The following ADAMTSL1 variants were observed in gnomAD, a reference collection of about 807,000 sequenced individuals.
ADAMTSL1 encodes the protein ADAMTS-like protein 1.
In ADAMTSL1, 126 loss-of-function variants were observed where a neutral mutation model predicts 201.8. The ratio of observed to expected loss-of-function variants is 0.62; its 90% CI spans 0.54 to 0.72. ADAMTSL1 has a LOEUF of 0.72. Among genes scored for constraint, ADAMTSL1 ranks in the 30% least tolerant of loss-of-function variants. The pLI is 0.00. For synonymous variants in ADAMTSL1, 1,121 were observed against 903.4 expected, an observed-to-expected ratio of 1.24 and a Z score of -4.32; for missense variants, 2,679 against 2,277.8, an observed-to-expected ratio of 1.18 and a Z score of -3.59.
At chr9:18,425,362 C>T (rs980035774) in intron 2 of ADAMTSL1, among the ~76,000 whole-genome samples, 1 of 151,890 alleles carries the variant, frequency 6.6e-6, no homozygotes, top group African/African-American at 2.4e-5. Flanking sequence ...ATCTTACCAC[C>T]ATTTCTTAGC....
chr9:18,477,402 C>T (rs1157200934), intron 1 of ADAMTSL1, among the ~76,000 whole-genome samples: 1 of 152,198 alleles, frequency 6.6e-6, no homozygotes, highest in Non-Finnish European at 1.5e-5. Context: ...CTAATTTATA[C>T]ATGGCAACTA....
At chr9:18,290,779 G>GT (rs1377416517) in intron 2 of ADAMTSL1, among the ~76,000 whole-genome samples, 2 of 60,416 alleles carry the variant, frequency 3.3e-5, no homozygotes, top group South Asian at 7.3e-4. Flanking sequence ...CTTTTTTTGT[G>GT]TGTTTTTTTT....
intron 2 of ADAMTSL1, among the ~76,000 whole-genome samples, chr9:18,209,019 A>G (rs1337658717): frequency 6.6e-6 from 1 of 152,162 alleles, no homozygotes; most frequent in East Asian, 1.9e-4. Context: ...GTGGATTGTG[A>G]CATGCTATAT....
intron 20 of ADAMTSL1, among the ~76,000 whole-genome samples, chr9:18,799,887 G>A (rs1822674515): frequency 6.6e-6 from 1 of 152,140 alleles, no homozygotes; most frequent in East Asian, 1.9e-4. Flanking sequence ...TCATGATTTA[G>A]TAGCTACAAT....
intron 1 of ADAMTSL1, among the ~76,000 whole-genome samples, chr9:17,997,833 CTCTT>C (rs1563940793): frequency 6.6e-6 from 1 of 152,076 alleles, no homozygotes; most frequent in East Asian, 1.9e-4. Flanking sequence ...AAAAAATCAC[CTCTT>C]TCTTACTGAT....
chr9:18,456,273 A>T (rs563439107), intron 2 of ADAMTSL1, among the ~76,000 whole-genome samples: 27 of 152,280 alleles, frequency 1.8e-4, no homozygotes, highest in Admixed American at 1.8e-3. Context: ...AAGTGTGCAT[A>T]AGTGGCCTTG....
At position 18,506,315 on chromosome 9, in the gene ADAMTSL1, A is replaced by G. The variant is rs1386565663; in HGVS notation, c.191+1359A>G. Among the ~76,000 whole-genome samples, 4 of 152,358 alleles carry G rather than the reference A, an allele frequency of 2.6e-5. No homozygotes were observed. The East Asian group carries it at 7.7e-4, about 29-fold the overall frequency. ...TGATAATGTAACTGATAATATTCAT[A>G]CATCAGTAAAGCCAAAAAGTATAAA... On this transcript the variant is annotated intron_variant, in intron 2 of 28. Coordinates refer to ENST00000380548, the MANE Select transcript of ADAMTSL1 (RefSeq NM_001040272.6).
intron 2 of ADAMTSL1, among the ~76,000 whole-genome samples, chr9:18,356,991 A>G (rs1417038): frequency 0.98 from 148,981 of 152,214 alleles, 72,982 homozygotes; most frequent in East Asian, 1. Flanking sequence ...TGTACATGGA[A>G]TCCTTTGAAT....
chr9:18,573,948 A>G (rs566073161), intron 3 of ADAMTSL1, 82 bp from the exon 4 acceptor site: 1 of 1,109,172 alleles, frequency 9.0e-7, no homozygotes, highest in African/African-American at 1.5e-5. Context: ...CTAAGACCTA[A>G]GCAGACCATA....
At chr9:17,945,612 T>G (rs1299452315) in intron 1 of ADAMTSL1, among the ~76,000 whole-genome samples, 16 of 152,134 alleles carry the variant, frequency 1.1e-4, no homozygotes, top group African/African-American at 2.4e-4. Flanking sequence ...GTGGCACATA[T>G]ACACCATGGA....
At chr9:17,994,292 T>G (rs566521223) in intron 1 of ADAMTSL1, among the ~76,000 whole-genome samples, 3 of 152,276 alleles carry the variant, frequency 2.0e-5, no homozygotes, top group African/African-American at 7.2e-5. Flanking sequence ...GAGATATTTG[T>G]GGAGTATCTG....
At chr9:18,686,343 C>A (rs1191308232) in intron 13 of ADAMTSL1, among the ~76,000 whole-genome samples, 3 of 152,158 alleles carry the variant, frequency 2.0e-5, no homozygotes, top group African/African-American at 4.8e-5. Flanking sequence ...CACTGCAGAA[C>A]TTTGGAGGAA....
chr9:18,125,725 A>G (rs972168151), intron 1 of ADAMTSL1, among the ~76,000 whole-genome samples: 1 of 152,176 alleles, frequency 6.6e-6, no homozygotes, highest in African/African-American at 2.4e-5. Context: ...ATTGAAAGTC[A>G]ATTAACCACA....
At chr9:18,419,282 G>T (rs1818831556) in intron 2 of ADAMTSL1, among the ~76,000 whole-genome samples, 1 of 152,070 alleles carries the variant, frequency 6.6e-6, no homozygotes, top group South Asian at 2.1e-4. Flanking sequence ...TGTGACCTAG[G>T]ATTAGGCAAA....
At chr9:18,271,660 G>C (rs1417072808) in intron 2 of ADAMTSL1, among the ~76,000 whole-genome samples, 1 of 152,170 alleles carries the variant, frequency 6.6e-6, no homozygotes, top group African/African-American at 2.4e-5. Context: ...GTTTATAGCA[G>C]CATGATTTAT....
In ADAMTSL1 at chr9:18,706,935, C is replaced by G; in HGVS notation, c.1763C>G (p.Pro588Arg). ...CYAGPCSGEI[P>R]EFNPDETDGL... ...GCAGGCCCATGCAGCGGGGAAATTCCTGAGTTCAACCCAGACGAGACAGAT... is the reference window on the plus strand; with the variant it reads ...GCAGGCCCATGCAGCGGGGAAATTCGTGAGTTCAACCCAGACGAGACAGAT... Residue 588 changes from proline (P) to arginine (R), a missense_variant, in exon 14 of 29, where the codon CCT becomes CGT. Transcript: ENST00000380548. 1 of 1,614,016 alleles carries G rather than the reference C, an allele frequency of 6.2e-7. No individual in the cohort carries two copies. Among genetic ancestry groups the G allele is most frequent in the Non-Finnish European group, 8.5e-7 (1 of 1,179,886 alleles).
chr9:18,273,065 T>G (rs1297827022), intron 2 of ADAMTSL1, among the ~76,000 whole-genome samples: 1 of 152,178 alleles, frequency 6.6e-6, no homozygotes, highest in East Asian at 1.9e-4. Context: ...GAAGGATGGT[T>G]GCAGGGACCA....
chr9:17,950,377 G>C (rs1229006110), intron 1 of ADAMTSL1, among the ~76,000 whole-genome samples: 2 of 151,820 alleles, frequency 1.3e-5, no homozygotes, highest in Non-Finnish European at 2.9e-5. Flanking sequence ...ATTAAAGATA[G>C]TAGGGAAGTC....
intron 16 of ADAMTSL1, among the ~76,000 whole-genome samples, chr9:18,760,746 C>G (rs1563775595): frequency 6.6e-6 from 1 of 152,210 alleles, no homozygotes. Context: ...CCAAATGGTG[C>G]ACCGTCTAAG....
Sources: gnomAD v4.1 joint callset for allele counts (sites outside exome capture counted in the v4.1 genomes callset) on GRCh38, gnomAD v4.1.1 for gene constraint, MANE v1.5 for transcripts, NCBI Gene and HGNC (gene_info 2026-07-23, HGNC 2026-07-21) for gene names.